CACNA2D3: variants seen among roughly 807,000 people sequenced by gnomAD.
The protein encoded by CACNA2D3 is voltage-dependent calcium channel subunit alpha-2/delta-3.
In CACNA2D3, 60 loss-of-function variants were observed where a neutral mutation model predicts 160.6. The observed-to-expected ratio is 0.37, with a 90% confidence interval of 0.30 to 0.46. The LOEUF is 0.46. Among genes scored for constraint, CACNA2D3 ranks in the 20% least tolerant of loss-of-function variants. CACNA2D3 has a pLI of 1.00. For synonymous variants in CACNA2D3, 558 were observed against 492.9 expected (o/e 1.13, Z -1.75); for missense variants, 1,205 against 1,365.0 (o/e 0.88, Z 1.85).
intron 4 of CACNA2D3, among the ~76,000 whole-genome samples, chr3:54,457,916 T>A (rs1033798725): frequency 1.3e-5 from 2 of 152,020 alleles, no homozygotes; most frequent in Admixed American, 1.3e-4. Flanking sequence ...TCACGTTTAG[T>A]TTCTATTTGT....
intron 2 of CACNA2D3, among the ~76,000 whole-genome samples, chr3:54,273,459 C>T (rs1034232728): frequency 1.3e-5 from 2 of 152,158 alleles, no homozygotes; most frequent in African/African-American, 4.8e-5. Context: ...TTCTTTAATG[C>T]CCCAATCACA....
chr3:54,224,940 CT>C lies in CACNA2D3; in HGVS notation c.205-95484del, dbSNP rs58653320. Among the ~76,000 whole-genome samples, 1,210 of 127,962 alleles carry C rather than the reference CT, an allele frequency of 9.5e-3. 5 individuals carry two copies. The highest frequency in any genetic ancestry group is 0.013 in the Non-Finnish European group (795 of 61,350). The allele number at this position is 127,962 out of a possible 152,430, so 83.9% of individuals were successfully genotyped here. On this transcript the variant is annotated intron_variant, in intron 2 of 37. Transcript: ENST00000474759. ...GCTTCCTGAATTTGTGACTGAATATCTTTTTTTTTTTTTTTTTTACTTTATA... is the reference window on the plus strand; with the variant it reads ...GCTTCCTGAATTTGTGACTGAATATCTTTTTTTTTTTTTTTTTACTTTATA...
intron 5 of CACNA2D3, among the ~76,000 whole-genome samples, chr3:54,525,794 A>G (rs1296884187): frequency 2.1e-5 from 3 of 145,344 alleles, no homozygotes; most frequent in Admixed American, 2.1e-4. Context: ...TTTTTTTTCT[A>G]TGATGTGTCT....
chr3:54,231,312 C>T (rs1344046306), intron 2 of CACNA2D3, among the ~76,000 whole-genome samples: 2 of 152,154 alleles, frequency 1.3e-5, no homozygotes, highest in East Asian at 1.9e-4. Flanking sequence ...CCTTCTGGTC[C>T]TCACTCTGCC....
chr3:54,742,550 G>A (rs553615398), intron 11 of CACNA2D3, among the ~76,000 whole-genome samples: 1 of 152,302 alleles, frequency 6.6e-6, no homozygotes, highest in South Asian at 2.1e-4. Context: ...CCACTGCTTT[G>A]TGCCAACTTG....
At chr3:54,765,080 G>C (rs1447775531) in intron 13 of CACNA2D3, among the ~76,000 whole-genome samples, 1 of 152,096 alleles carries the variant, frequency 6.6e-6, no homozygotes, top group Non-Finnish European at 1.5e-5. Context: ...CCTCTCTCCA[G>C]TCATTTTTGT....
chr3:54,331,617 G>A (rs896950539), intron 3 of CACNA2D3, among the ~76,000 whole-genome samples: 1 of 152,164 alleles, frequency 6.6e-6, no homozygotes, highest in African/African-American at 2.4e-5. Context: ...TGATACTTGT[G>A]AAGTTGGATT....
At chr3:54,428,841 C>G (rs1023983137) in intron 4 of CACNA2D3, among the ~76,000 whole-genome samples, 6 of 148,822 alleles carry the variant, frequency 4.0e-5, no homozygotes, top group African/African-American at 1.5e-4. Flanking sequence ...TATCTAGTTA[C>G]TGTAGTGTTC....
Position 55,045,827 on chromosome 3 carries a change from T to G in CACNA2D3, c.2987+27510T>G, listed in dbSNP as rs188824152. On this transcript the variant is annotated intron_variant, in intron 35 of 37. Coordinates refer to ENST00000474759, the MANE Select transcript of CACNA2D3 (RefSeq NM_018398.3). ...AAACAGTCTAAAAGTTTATTAGTTT[T>G]ATTGATCATTTAAAAGAACCAGCTG... Among the ~76,000 whole-genome samples the G allele has an allele frequency of 2.0e-3, 305 of 152,264 alleles. 3 individuals are homozygous for G. The highest frequency in any genetic ancestry group is 7.1e-3 in the African/African-American group (295 of 41,578).
chr3:54,431,334 A>AT (rs964170807), intron 4 of CACNA2D3, among the ~76,000 whole-genome samples: 12 of 151,932 alleles, frequency 7.9e-5, no homozygotes, highest in Admixed American at 2.0e-4. Flanking sequence ...TCTCAAAAAA[A>AT]AAAAAAGAAA....
At chr3:54,698,216 G>A (rs572432093) in intron 11 of CACNA2D3, among the ~76,000 whole-genome samples, 217 of 152,272 alleles carry the variant, frequency 1.4e-3, no homozygotes, top group African/African-American at 5.0e-3. Context: ...GTAACCAAGG[G>A]GTAGTCTCAG....
chr3:54,668,006 A>C (rs889592552), intron 11 of CACNA2D3, among the ~76,000 whole-genome samples: 7 of 152,120 alleles, frequency 4.6e-5, no homozygotes, highest in African/African-American at 1.4e-4. Context: ...TCAACATGAA[A>C]TGGCAAGCAG....
intron 31 of CACNA2D3, among the ~76,000 whole-genome samples, chr3:54,988,933 T>TA (rs543396269): frequency 3.3e-5 from 5 of 152,264 alleles, no homozygotes; most frequent in Admixed American, 2.6e-4. Flanking sequence ...CCTTCCCTTC[T>TA]AAAAAAAATT....
At chr3:54,297,389 G>A (rs565126943) in intron 2 of CACNA2D3, among the ~76,000 whole-genome samples, 37 of 152,100 alleles carry the variant, frequency 2.4e-4, no homozygotes, top group Non-Finnish European at 4.7e-4. Flanking sequence ...CTGAAGGAGA[G>A]TCCTGGTGGG....
At position 55,029,455 on chromosome 3, in the gene CACNA2D3, A is replaced by G. The variant is rs569380851; in HGVS notation, c.2987+11138A>G. Among the ~76,000 whole-genome samples the G allele has an allele frequency of 5.3e-4, 80 of 152,356 alleles. 1 individual carries two copies. The South Asian group carries it at 0.011, about 21-fold the overall frequency. On this transcript the variant is annotated intron_variant, in intron 35 of 37. Transcript: ENST00000474759. ...AATGGAAGACATTTTTATGGAGCAC[A>G]GTCCACAAACCCATCTGTGTTGACA...
At chr3:54,314,340 G>A (rs902303269) in intron 2 of CACNA2D3, among the ~76,000 whole-genome samples, 6 of 152,234 alleles carry the variant, frequency 3.9e-5, no homozygotes, top group East Asian at 3.9e-4. Flanking sequence ...ACAATTTTCC[G>A]ATAGCGAATT....
chr3:54,170,084 A>G (rs1248202721), intron 2 of CACNA2D3, among the ~76,000 whole-genome samples: 1 of 150,534 alleles, frequency 6.6e-6, no homozygotes, highest in Non-Finnish European at 1.5e-5. Context: ...GCTACTTGGG[A>G]GGCTGAGGCA....
Position 55,028,084 on chromosome 3 carries a change from G to A in CACNA2D3, c.2987+9767G>A, listed in dbSNP as rs149060908. The stretch of plus-strand genomic sequence containing the variant: ...TCTTCAGAAGTCTTTGAAGAACAAA[G>A]TTGAGCTGCGTCCTACTCCATTTCT... On this transcript the variant is annotated intron_variant, in intron 35 of 37. Transcript: ENST00000474759. 2.4e-4 allele frequency among the ~76,000 whole-genome samples: 36 copies of A among 152,330 alleles called. No homozygotes were observed. The East Asian group carries it at 6.6e-3, about 28-fold the overall frequency.
intron 4 of CACNA2D3, among the ~76,000 whole-genome samples, chr3:54,489,560 A>C (rs1452048539): frequency 1.3e-5 from 2 of 152,194 alleles, no homozygotes; most frequent in Non-Finnish European, 2.9e-5. Context: ...AGGAAACTTG[A>C]CTATAATCTG....
Sources: gnomAD v4.1 joint callset for allele counts (sites outside exome capture counted in the v4.1 genomes callset) on GRCh38, gnomAD v4.1.1 for gene constraint, MANE v1.5 for transcripts, NCBI Gene and HGNC (gene_info 2026-07-23, HGNC 2026-07-21) for gene names.